MYO1B: variants seen among roughly 807,000 people sequenced by gnomAD.
MYO1B encodes myosin IB.
MYO1B carries 72 observed loss-of-function variants against 159.7 expected under a neutral mutation model. The ratio of observed to expected loss-of-function variants is 0.45; its 90% CI spans 0.37 to 0.55. The LOEUF (loss-of-function observed/expected upper bound fraction) is 0.55. Ranked by LOEUF, MYO1B falls within the 20% of genes least tolerant of loss-of-function variation. The pLI is 0.00. For synonymous variants in MYO1B, 468 were observed against 473.8 expected (o/e 0.99, Z 0.16); for missense variants, 1,062 against 1,364.8 (o/e 0.78, Z 3.50).
At chr2:191,251,716 AAATTG>A (rs1279612101) in intron 1 of MYO1B, among the ~76,000 whole-genome samples, 5 of 152,254 alleles carry the variant, frequency 3.3e-5, no homozygotes, top group South Asian at 2.1e-4. Context: ...ACTTTTTAGA[AAATTG>A]AATTGAAAGG....
Position 191,369,599 on chromosome 2 carries a change from T to G in MYO1B, c.1090T>G (p.Leu364Val). 1 of 1,613,558 alleles carries G rather than the reference T, an allele frequency of 6.2e-7. No homozygotes were observed. Among genetic ancestry groups the G allele is most frequent in the Non-Finnish European group, 8.5e-7 (1 of 1,179,604 alleles). ...CCTCTACAGCAGGTTGTTTTCATGG[T>G]TGGTAAATCGAATCAATGAAAGCAT... is the stretch of plus-strand genomic sequence containing the variant. The part of the protein sequence containing the change: ...KNLYSRLFSW[L>V]VNRINESIKA... Residue 364 changes from leucine (L) to valine (V), a missense_variant, in exon 12 of 31, where the codon TTG (leucine) becomes GTG (valine). Leu to Val is a conservative substitution (Grantham distance 32). Transcript: ENST00000392318.
At chr2:191,398,773 C>G in intron 21 of MYO1B, among the ~76,000 whole-genome samples, 1 of 151,666 alleles carries the variant, frequency 6.6e-6, no homozygotes, top group Admixed American at 6.6e-5. Flanking sequence ...ACGCTCCTCA[C>G]TTTCCAGACT....
chr2:191,316,635 G>A lies in MYO1B; in HGVS notation c.252-13300G>A, dbSNP rs545565707. Among the ~76,000 whole-genome samples the A allele has an allele frequency of 1.6e-3, 242 of 152,322 alleles. 1 individual carries two copies. Among genetic ancestry groups the A allele is most frequent in the Middle Eastern group, 3.4e-3 (1 of 294 alleles). On this transcript the variant is annotated intron_variant, in intron 3 of 30. Coordinates refer to ENST00000392318, the MANE Select transcript of MYO1B (RefSeq NM_001130158.3). ...AAAATTTTAGGGATGTCTTCCTTTA[G>A]CAGGTGTTTAGCACTAAAATCTTTG...
intron 5 of MYO1B, among the ~76,000 whole-genome samples, 168 bp downstream of exon 5, chr2:191,341,733 C>CCT (rs1485413164): frequency 2.6e-5 from 4 of 152,142 alleles, no homozygotes; most frequent in African/African-American, 9.7e-5. Flanking sequence ...AACCTCTTGG[C>CCT]CTAAGTGTTT....
At chr2:191,266,629 C>T (rs922525065) in intron 1 of MYO1B, among the ~76,000 whole-genome samples, 5 of 152,214 alleles carry the variant, frequency 3.3e-5, no homozygotes, top group South Asian at 2.1e-4. Flanking sequence ...GCTTCATCCT[C>T]GCCCTGGCTC....
intron 3 of MYO1B, among the ~76,000 whole-genome samples, chr2:191,298,766 A>T (rs576567826): frequency 6.6e-6 from 1 of 152,230 alleles, no homozygotes; most frequent in African/African-American, 2.4e-5. Flanking sequence ...TCTGAAAATA[A>T]TCTTGTGAGA....
intron 21 of MYO1B, among the ~76,000 whole-genome samples, chr2:191,398,937 T>C (rs11886270): frequency 0.019 from 2,902 of 152,210 alleles, 88 homozygotes; most frequent in African/African-American, 0.066. Flanking sequence ...TAGGTTGTAG[T>C]GAGCTGAGAT....
chr2:191,328,743 C>T lies in MYO1B; in HGVS notation c.252-1192C>T, dbSNP rs145559249. ...GCTTTGCTTTGCCTTCCAGCTACAT[C>T]GAACTGCACATAATCCTTCACCCCA... is the stretch of plus-strand genomic sequence containing the variant. On this transcript the variant is annotated intron_variant, in intron 3 of 30. Transcript: ENST00000392318. Among the ~76,000 whole-genome samples the T allele has an allele frequency of 1.2e-3, 187 of 152,286 alleles. 1 individual carries two copies. Among genetic ancestry groups the T allele is most frequent in the African/African-American group, 4.2e-3 (174 of 41,564 alleles).
chr2:191,261,995 T>A (rs573917853), intron 1 of MYO1B, among the ~76,000 whole-genome samples: 2 of 152,348 alleles, frequency 1.3e-5, no homozygotes, highest in East Asian at 3.9e-4. Context: ...CTTATGCATT[T>A]GGATAAGAGA....
intron 19 of MYO1B, among the ~76,000 whole-genome samples, chr2:191,392,524 A>G (rs1051566658): frequency 3.3e-5 from 5 of 152,242 alleles, no homozygotes; most frequent in African/African-American, 4.8e-5. Flanking sequence ...TACCTGAATT[A>G]TACATTAATT....
intron 29 of MYO1B, among the ~76,000 whole-genome samples, chr2:191,415,725 T>C (rs1470071881): frequency 6.6e-6 from 1 of 152,212 alleles, no homozygotes; most frequent in Non-Finnish European, 1.5e-5. Context: ...AAAAGTTTTT[T>C]AATCAAGTCC....
At chr2:191,278,639 C>T (rs552007600) in intron 2 of MYO1B, among the ~76,000 whole-genome samples, 21 of 152,236 alleles carry the variant, frequency 1.4e-4, no homozygotes, top group Non-Finnish European at 2.1e-4. Flanking sequence ...TTCAGAGATG[C>T]GATTATTTAA....
chr2:191,262,593 G>T (rs984282010), intron 1 of MYO1B, among the ~76,000 whole-genome samples: 1 of 143,314 alleles, frequency 7.0e-6, no homozygotes, highest in East Asian at 2.1e-4. Flanking sequence ...CAGATGCGCT[G>T]GTTAGGCTAT....
chr2:191,325,981 C>T (rs1691035357), intron 3 of MYO1B, among the ~76,000 whole-genome samples: 1 of 152,100 alleles, frequency 6.6e-6, no homozygotes, highest in Non-Finnish European at 1.5e-5. Context: ...GGGGAGATGG[C>T]CTTTAAACAT....
At chr2:191,317,358 A>G (rs1347519365) in intron 3 of MYO1B, among the ~76,000 whole-genome samples, 1 of 152,228 alleles carries the variant, frequency 6.6e-6, no homozygotes, top group Non-Finnish European at 1.5e-5. Flanking sequence ...GGTAGGAGGG[A>G]TAGGAGCAGC....
At chr2:191,391,940 TAA>T (rs1323156480) in intron 18 of MYO1B, among the ~76,000 whole-genome samples, 166 bp from the exon 19 acceptor site, 2 of 152,242 alleles carry the variant, frequency 1.3e-5, no homozygotes, top group East Asian at 1.9e-4. Context: ...TTTACTGGAT[TAA>T]GTTTAATTTG....
At chr2:191,395,850 A>G (rs765990041) in intron 20 of MYO1B, among the ~76,000 whole-genome samples, 2 of 152,234 alleles carry the variant, frequency 1.3e-5, no homozygotes, top group African/African-American at 2.4e-5. Flanking sequence ...GAGGGCAGGG[A>G]TGCAGTCAGA....
At chr2:191,293,542 AGGAGT>A (rs1196755903) in intron 2 of MYO1B, among the ~76,000 whole-genome samples, 2 of 152,192 alleles carry the variant, frequency 1.3e-5, no homozygotes, top group African/African-American at 4.8e-5. Flanking sequence ...ATGCTCAATA[AGGAGT>A]GGATTATTCA....
chr2:191,245,790 T>A (rs1413109501), intron 1 of MYO1B, 164 bp downstream of exon 1: 4 of 150,676 alleles, frequency 2.7e-5, no homozygotes, highest in African/African-American at 9.8e-5. Flanking sequence ...GACGCGGCGC[T>A]GCGGCGGGAA....
Sources: gnomAD v4.1 joint callset for allele counts (sites outside exome capture counted in the v4.1 genomes callset) on GRCh38, gnomAD v4.1.1 for gene constraint, MANE v1.5 for transcripts, NCBI Gene and HGNC (gene_info 2026-07-23, HGNC 2026-07-21) for gene names.